Variants in ATP2B1 observed in about 807,000 individuals in gnomAD.
ATP2B1 encodes the protein ATPase plasma membrane Ca2+ transporting 1.
ATP2B1 carries 14 observed loss-of-function variants against 124.2 expected under a neutral mutation model. The ratio of observed to expected loss-of-function variants is 0.11; its 90% CI spans 0.07 to 0.18. ATP2B1 has a LOEUF of 0.18. Ranked by LOEUF, ATP2B1 falls within the 10% of genes least tolerant of loss-of-function variation. The probability of loss-of-function intolerance (pLI) is 1.00; values close to 1 mark genes in which losing one functional copy is unlikely to be tolerated. For missense variants in ATP2B1, 763 were observed against 1,466.1 expected (o/e 0.52, Z 7.83); for synonymous variants, 449 against 492.4 (o/e 0.91, Z 1.17).
intron 1 of ATP2B1, among the ~76,000 whole-genome samples, chr12:89,688,606 A>G (rs2136703137): frequency 6.6e-6 from 1 of 152,194 alleles, no homozygotes; most frequent in South Asian, 2.1e-4. Flanking sequence ...GTGGCACTAC[A>G]TACAGCTGGC....
rs1454735075 is a variant in ATP2B1, at chr12:89,589,470, T to G, written c.*1514A>C. ...AATATATCATTTTAGAACCTTTTCA[T>G]GTAATCTCATTTTACCTAATCTGTT... is the stretch of plus-strand genomic sequence containing the variant. On this transcript the variant is annotated 3_prime_UTR_variant, in exon 21 of 21. Transcript: ENST00000428670. 2.6e-5 allele frequency: 4 copies of G among 152,174 alleles called. No individual in the cohort carries two copies. Among genetic ancestry groups the G allele is most frequent in the African/African-American group, 9.6e-5 (4 of 41,456 alleles). 9.4% of individuals were successfully genotyped at this position (152,174 alleles called of 1,614,324 possible). A position where few individuals can be genotyped will look rare whatever the true frequency, so the allele number is the denominator to read the frequency against.
At chr12:89,617,428 A>G (rs898999369) in intron 11 of ATP2B1, among the ~76,000 whole-genome samples, 1 of 152,318 alleles carries the variant, frequency 6.6e-6, no homozygotes, top group East Asian at 1.9e-4. Context: ...TTCTTCTTTT[A>G]AGGTAAAAAG....
chr12:89,611,493 C>T, intron 12 of ATP2B1, 121 bp from the exon 13 acceptor site: 1 of 740,578 alleles, frequency 1.4e-6, no homozygotes, highest in Non-Finnish European at 2.0e-6. Context: ...GATACAATGA[C>T]TTAATAATGA....
chr12:89,601,342 G>A lies in ATP2B1; in HGVS notation c.3152C>T (p.Thr1051Ile). 1.3e-6 allele frequency: 2 copies of A among 1,570,100 alleles called. No individual in the cohort carries two copies. Among genetic ancestry groups the A allele is most frequent in the Non-Finnish European group, 1.7e-6 (2 of 1,166,496 alleles). Reference protein sequence around the residue: ...WLWSIFLGMGTLLWGQLISTI... With the variant: ...WLWSIFLGMGILLWGQLISTI... ...AATTTTTACCTGGCCCCAGAGTAAT[G>A]TTCCCATTCCTAGGAATATTGACCA... Residue 1051 changes from threonine to isoleucine, a missense_variant, in exon 19 of 21, where the codon ACA becomes ATA. Thr to Ile is a moderately conservative substitution (Grantham distance 89, BLOSUM62 -1). Around this residue, in one of 7 missense-constraint regions of ATP2B1, gnomAD observed 118 missense variants for 240.3 expected, o/e 0.49. Coordinates refer to ENST00000428670, the MANE Select transcript of ATP2B1 (RefSeq NM_001366521.1).
chr12:89,614,820 C>T (rs1188793740), intron 12 of ATP2B1, among the ~76,000 whole-genome samples: 1 of 152,146 alleles, frequency 6.6e-6, no homozygotes, highest in Non-Finnish European at 1.5e-5. Flanking sequence ...TCTCCACTTA[C>T]TTTGAAATCA....
rs1234416997 is a variant in ATP2B1 at position 89,603,565 on chromosome 12, A to G, written c.2848+147T>C. 10 of 814,092 alleles carry G rather than the reference A, an allele frequency of 1.2e-5. 1 individual carries two copies. Among genetic ancestry groups the G allele is most frequent in the Non-Finnish European group, 1.9e-5 (10 of 525,392 alleles). 50.4% of individuals were successfully genotyped at this position (814,092 alleles called of 1,614,324 possible). A position where few individuals can be genotyped will look rare whatever the true frequency, so the allele number is the denominator to read the frequency against. ...TATTGTCCTCCCAAATTTACTAAGC[A>G]CTCACTGATTAAGAAGAAATTAAAG... On this transcript the variant is annotated intron_variant, in intron 17 of 20. Transcript: ENST00000428670. This position sits in a 1 kb window ranked among gnomAD's most constrained non-coding sequence, Gnocchi z 4.3.
chr12:89,649,423 T>C (rs1884947297), intron 2 of ATP2B1, among the ~76,000 whole-genome samples: 2 of 152,234 alleles, frequency 1.3e-5, no homozygotes, highest in Admixed American at 1.3e-4. Context: ...ATGACTGTCC[T>C]GTTGGGTTTC....
chr12:89,669,767 C>G (rs1469431368), intron 1 of ATP2B1, among the ~76,000 whole-genome samples: 1 of 152,108 alleles, frequency 6.6e-6, no homozygotes, highest in Non-Finnish European at 1.5e-5. Context: ...TCCTATTTTG[C>G]ATACATTACA....
intron 5 of ATP2B1, among the ~76,000 whole-genome samples, chr12:89,633,574 T>A (rs1882236548): frequency 6.7e-6 from 1 of 148,810 alleles, no homozygotes; most frequent in African/African-American, 2.4e-5. Flanking sequence ...TTACTCTGAT[T>A]TTTTTGCAAT....
intron 20 of ATP2B1, among the ~76,000 whole-genome samples, chr12:89,597,044 C>G (rs1015635105): frequency 6.6e-6 from 1 of 152,112 alleles, no homozygotes; most frequent in Admixed American, 6.6e-5. Context: ...GTTTTACTAC[C>G]ATGTAGAAAT....
intron 3 of ATP2B1, among the ~76,000 whole-genome samples, chr12:89,637,634 A>C (rs1882910135): frequency 1.3e-5 from 2 of 152,144 alleles, no homozygotes; most frequent in Non-Finnish European, 2.9e-5. Context: ...CCTGGCCTCA[A>C]GCAATCCTCC....
intron 1 of ATP2B1, among the ~76,000 whole-genome samples, chr12:89,708,063 C>G (rs1350776673): frequency 6.6e-6 from 1 of 152,204 alleles, no homozygotes; most frequent in Non-Finnish European, 1.5e-5. Context: ...CGTCCTGACA[C>G]GCCAACAATC....
intron 8 of ATP2B1, among the ~76,000 whole-genome samples, chr12:89,625,478 G>A (rs192452259): frequency 1.3e-5 from 2 of 151,442 alleles, no homozygotes; most frequent in South Asian, 2.1e-4. Flanking sequence ...CAGCTACTTC[G>A]GGGGTGGAGG....
At chr12:89,698,304 AT>A (rs1891411900) in intron 1 of ATP2B1, among the ~76,000 whole-genome samples, 2 of 152,256 alleles carry the variant, frequency 1.3e-5, no homozygotes, top group East Asian at 3.8e-4. Flanking sequence ...GTGAATCCTC[AT>A]CAGCAATAAC....
chr12:89,698,635 A>C (rs1891459131), intron 1 of ATP2B1, among the ~76,000 whole-genome samples: 1 of 152,122 alleles, frequency 6.6e-6, no homozygotes, highest in Non-Finnish European at 1.5e-5. Flanking sequence ...ATTATATCTT[A>C]GTAAGACTAT....
intron 3 of ATP2B1, chr12:89,641,937 G>A (rs1402519244): frequency 9.4e-6 from 5 of 530,700 alleles, no homozygotes; most frequent in Non-Finnish European, 1.7e-5. Flanking sequence ...ATATGGATAG[G>A]TTATTTAACC....
Position 89,635,118 on chromosome 12 carries a change from C to T in ATP2B1, c.540G>A (p.Gln180=), listed in dbSNP as rs780906453. Residue 180 remains glutamine, a synonymous_variant, in exon 4 of 21, where the codon CAG becomes CAA. Coordinates refer to ENST00000428670, the MANE Select transcript of ATP2B1 (RefSeq NM_001366521.1). ...CAATTCGGCTCTGCAAACCTCTAAA[C>T]TGTTTTTCCTTACTCCAGTCATTGA... is the stretch of plus-strand genomic sequence containing the variant. The part of the protein sequence containing the change: ...TAFNDWSKEK[Q]FRGLQSRIEQ... 3 of 1,613,848 alleles carry T rather than the reference C, an allele frequency of 1.9e-6. No homozygotes were observed. Among genetic ancestry groups the T allele is most frequent in the East Asian group, 4.5e-5 (2 of 44,884 alleles).
chr12:89,621,623 C>T lies in ATP2B1; in HGVS notation c.1513G>A (p.Ala505Thr). ...TAGGACAAAATATTTGGTGGAATAG[C>T]TTCTGGTTCAGGAACCTTTTTATAA... ...KHYKKVPEPE[A>T]IPPNILSYLV... Residue 505 changes from alanine (A) to threonine (T), a missense_variant, in exon 10 of 21, where the codon GCT becomes ACT. Physicochemically the swap from Ala to Thr is moderately conservative, Grantham distance 58 (BLOSUM62 0). This residue lies in a region of ATP2B1 where 392 missense variants were observed against 776.6 expected (regional missense o/e 0.50). Coordinates refer to ENST00000428670, the MANE Select transcript of ATP2B1 (RefSeq NM_001366521.1). 6.2e-7 allele frequency: 1 copy of T among 1,611,448 alleles called. No individual in the cohort carries two copies. Among genetic ancestry groups the T allele is most frequent in the African/African-American group, 1.3e-5 (1 of 74,930 alleles).
In ATP2B1 at chr12:89,630,522, T is replaced by C. The variant is rs1881681549; in HGVS notation, c.911A>G (p.Lys304Arg). 6.4e-7 allele frequency: 1 copy of C among 1,571,396 alleles called. No homozygotes were observed. Among genetic ancestry groups the C allele is most frequent in the South Asian group, 1.2e-5 (1 of 83,304 alleles). ...ATTCTTACTTTTCTTTTCCTTTTTC[T>C]TCTCATCTTTCTTCTCTTCCTCTTC... The part of the protein sequence containing the change: ...GGEEEEKKDE[K>R]KKEKKNKKQD... Residue 304 changes from lysine to arginine, a missense_variant, in exon 6 of 21, where the codon AAG (lysine) becomes AGG (arginine). By Grantham distance (26) the Lys-to-Arg change is conservative. Coordinates refer to ENST00000428670, the MANE Select transcript of ATP2B1 (RefSeq NM_001366521.1).
Sources: allele counts gnomAD v4.1 joint callset (sites outside exome capture counted in the v4.1 genomes callset), GRCh38; gene constraint gnomAD v4.1.1; regional missense constraint gnomAD v4.1.1; non-coding constraint Gnocchi (gnomAD v3.1); transcripts MANE v1.5; gene names NCBI Gene and HGNC (gene_info 2026-07-23, HGNC 2026-07-21).